ATP8A2: variants seen among roughly 807,000 people sequenced by gnomAD.
ATP8A2 encodes ATPase phospholipid transporting 8A2.
Under a neutral mutation model 165.6 loss-of-function variants are expected in ATP8A2, and 100 were observed. The observed-to-expected ratio is 0.60, with a 90% CI of 0.51 to 0.71. The LOEUF is 0.71. ATP8A2 is among the 30% of genes least tolerant of loss of function. The probability of loss-of-function intolerance (pLI) is 0.00; values close to 1 mark genes in which losing one functional copy is unlikely to be tolerated. For synonymous variants in ATP8A2, 543 were observed against 548.8 expected, an observed-to-expected ratio of 0.99 and a Z score of 0.15; for missense variants, 1,227 against 1,479.5, an observed-to-expected ratio of 0.83 and a Z score of 2.80.
intron 27 of ATP8A2, among the ~76,000 whole-genome samples, chr13:25,810,261 A>G (rs1216646924): frequency 6.6e-6 from 1 of 152,182 alleles, no homozygotes; most frequent in African/African-American, 2.4e-5. Flanking sequence ...GTTTCTTTAG[A>G]TAGTAAGTTA....
chr13:25,615,738 A>G, intron 24 of ATP8A2, among the ~76,000 whole-genome samples: 1 of 152,050 alleles, frequency 6.6e-6, no homozygotes, highest in Non-Finnish European at 1.5e-5. Flanking sequence ...TTCTTCTTGT[A>G]CCTGTGTTTT....
At chr13:25,913,581 T>C (rs530341883) in intron 33 of ATP8A2, among the ~76,000 whole-genome samples, 1 of 152,328 alleles carries the variant, frequency 6.6e-6, no homozygotes, top group South Asian at 2.1e-4. Flanking sequence ...TTCATGCCAC[T>C]GCCTGAAGCT....
At chr13:25,478,679 T>C (rs1300001921) in intron 2 of ATP8A2, among the ~76,000 whole-genome samples, 1 of 152,218 alleles carries the variant, frequency 6.6e-6, no homozygotes, top group Admixed American at 6.5e-5. Flanking sequence ...TGATGGATTA[T>C]TCTATGTATC....
intron 14 of ATP8A2, among the ~76,000 whole-genome samples, chr13:25,559,369 C>T (rs901837913): frequency 1.3e-5 from 2 of 152,072 alleles, no homozygotes; most frequent in Non-Finnish European, 2.9e-5. Flanking sequence ...CTTGTCACTA[C>T]TAAACATACA....
At chr13:25,693,980 T>A (rs1301289189) in intron 24 of ATP8A2, among the ~76,000 whole-genome samples, 2 of 152,224 alleles carry the variant, frequency 1.3e-5, no homozygotes, top group Non-Finnish European at 2.9e-5. Flanking sequence ...TTCTCCTGCC[T>A]CAGCCTCCCA....
chr13:25,468,828 A>G (rs2035749216), intron 1 of ATP8A2, 149 bp from the exon 2 acceptor site: 2 of 1,300,076 alleles, frequency 1.5e-6, no homozygotes, highest in African/African-American at 1.6e-5. Context: ...CGGCGTCTCC[A>G]GGGGGAGCCA....
intron 25 of ATP8A2, among the ~76,000 whole-genome samples, chr13:25,701,723 A>AACACACAC (rs71077495): frequency 0.018 from 2,581 of 140,534 alleles, 51 homozygotes; most frequent in East Asian, 0.1. Context: ...TTGATACTAA[A>AACACACAC]ACACACACAC....
At chr13:25,449,767 G>T (rs538926258) in intron 1 of ATP8A2, among the ~76,000 whole-genome samples, 1 of 152,228 alleles carries the variant, frequency 6.6e-6, no homozygotes, top group African/African-American at 2.4e-5. Context: ...ATTCCTGTTG[G>T]TGAGTTGACC....
chr13:25,575,456 C>A (rs1283027938), intron 19 of ATP8A2, among the ~76,000 whole-genome samples: 4 of 152,094 alleles, frequency 2.6e-5, no homozygotes, highest in African/African-American at 9.7e-5. Flanking sequence ...TTTTTTGTTT[C>A]TTTGCCTCTT....
intron 33 of ATP8A2, among the ~76,000 whole-genome samples, chr13:25,903,208 A>G (rs1449910171): frequency 4.6e-5 from 7 of 152,154 alleles, no homozygotes; most frequent in African/African-American, 1.7e-4. Context: ...CTAGGAACGC[A>G]GAGACTTATT....
intron 2 of ATP8A2, among the ~76,000 whole-genome samples, chr13:25,520,314 T>G (rs1364896123): frequency 6.6e-6 from 1 of 152,222 alleles, no homozygotes; most frequent in South Asian, 2.1e-4. Flanking sequence ...TATAATGACC[T>G]CCAGTTCAAT....
intron 33 of ATP8A2, 87 bp from the exon 34 acceptor site, chr13:25,961,488 T>C (rs1593632538): frequency 8.8e-7 from 1 of 1,134,816 alleles, no homozygotes; most frequent in Admixed American, 1.8e-5. Context: ...TGTTTTTGTG[T>C]TGTGAAATAT....
At chr13:25,450,595 G>GCCACA (rs2035191632) in intron 1 of ATP8A2, among the ~76,000 whole-genome samples, 5 of 151,924 alleles carry the variant, frequency 3.3e-5, no homozygotes, top group Non-Finnish European at 5.9e-5. Flanking sequence ...GCAGTGGTGT[G>GCCACA]ATCTCGGCTC....
chr13:25,987,414 G>A (rs896107972), intron 35 of ATP8A2, among the ~76,000 whole-genome samples: 2 of 152,240 alleles, frequency 1.3e-5, no homozygotes, highest in Non-Finnish European at 2.9e-5. Flanking sequence ...CAGAAATACT[G>A]GGAAGGTTTA....
At chr13:25,532,838 T>C (rs528147833) in intron 5 of ATP8A2, among the ~76,000 whole-genome samples, 69 of 152,192 alleles carry the variant, frequency 4.5e-4, no homozygotes, top group African/African-American at 1.6e-3. Flanking sequence ...GACTAATTTT[T>C]GTATTTTTGG....
intron 26 of ATP8A2, among the ~76,000 whole-genome samples, chr13:25,770,891 T>G (rs912420667): frequency 1.3e-5 from 2 of 152,200 alleles, no homozygotes; most frequent in Non-Finnish European, 2.9e-5. Context: ...ACACACCCCT[T>G]CAACCTGAAA....
intron 24 of ATP8A2, among the ~76,000 whole-genome samples, chr13:25,620,677 CTCA>C (rs1177485261): frequency 6.6e-6 from 1 of 151,962 alleles, no homozygotes; most frequent in Non-Finnish European, 1.5e-5. Context: ...TTTAAAAATC[CTCA>C]TATTACCTTG....
intron 35 of ATP8A2, among the ~76,000 whole-genome samples, chr13:25,975,928 A>G (rs1353199663): frequency 6.6e-6 from 1 of 152,186 alleles, no homozygotes; most frequent in South Asian, 2.1e-4. Context: ...ATTCCTTGGT[A>G]TCAGTCAAAC....
intron 1 of ATP8A2, among the ~76,000 whole-genome samples, chr13:25,415,131 T>C (rs2034095080): frequency 6.6e-6 from 1 of 152,242 alleles, no homozygotes; most frequent in Non-Finnish European, 1.5e-5. Context: ...TTTTCACCAC[T>C]ACAGATCCAA....
Sources: gnomAD v4.1 joint callset for allele counts (sites outside exome capture counted in the v4.1 genomes callset) on GRCh38, gnomAD v4.1.1 for gene constraint, MANE v1.5 for transcripts, NCBI Gene and HGNC (gene_info 2026-07-23, HGNC 2026-07-21) for gene names.